The following SFMBT1 variants were observed in gnomAD, a reference collection of about 807,000 sequenced individuals.
The protein encoded by SFMBT1 is Scm like with four mbt domains 1.
Under a neutral mutation model 108.7 loss-of-function variants are expected in SFMBT1, and 32 were observed. The ratio of observed to expected loss-of-function variants is 0.29; its 90% confidence interval spans 0.22 to 0.40. The LOEUF is 0.40. SFMBT1 is among the 10% of genes least tolerant of loss of function. The pLI, the probability that SFMBT1 is intolerant of heterozygous loss-of-function variation, is 1.00. For synonymous variants in SFMBT1, 348 were observed against 369.5 expected (o/e 0.94, Z 0.67); for missense variants, 816 against 1,059.6 (o/e 0.77, Z 3.19).
rs1698987106 is a variant in SFMBT1 at position 53,012,536 on chromosome 3, G to A, written c.-131+33280C>T. ...TCCTGCCTCAGCCTCCCGAGTAGCT[G>A]GGACTACAGGCGCCCGCCACCACGC... On this transcript the variant is annotated intron_variant, in intron 1 of 20. Transcript: ENST00000394752. Among the ~76,000 whole-genome samples the A allele has an allele frequency of 2.6e-5, 4 of 152,122 alleles. No homozygotes were observed. In the South Asian group the frequency reaches 8.3e-4, roughly 32 times the overall value.
At chr3:53,041,047 T>A (rs1293651600) in intron 1 of SFMBT1, among the ~76,000 whole-genome samples, 1 of 131,204 alleles carries the variant, frequency 7.6e-6, no homozygotes, top group African/African-American at 2.9e-5. Flanking sequence ...GGTATCAAAC[T>A]CCTGGACTCC....
intron 1 of SFMBT1, among the ~76,000 whole-genome samples, chr3:52,986,486 G>A (rs1265035706): frequency 6.6e-6 from 1 of 151,566 alleles, no homozygotes; most frequent in Admixed American, 6.6e-5. Flanking sequence ...TATTTTTTTG[G>A]TCGGGCGCCA....
chr3:52,999,562 C>G (rs1378748563), intron 1 of SFMBT1, among the ~76,000 whole-genome samples: 2 of 150,276 alleles, frequency 1.3e-5, no homozygotes, highest in Non-Finnish European at 3.0e-5. Context: ...GAGGGGAAGC[C>G]ACACCCTGAT....
At chr3:52,930,247 G>A (rs1702815182) in intron 8 of SFMBT1, 82 bp downstream of exon 8, 1 of 841,738 alleles carries the variant, frequency 1.2e-6, no homozygotes, top group Non-Finnish European at 2.0e-6. Context: ...GATCAATAGA[G>A]CTTAAAGATC....
intron 6 of SFMBT1, 96 bp from the exon 7 acceptor site, chr3:52,931,131 C>A: frequency 1.8e-6 from 2 of 1,110,966 alleles, no homozygotes; most frequent in Non-Finnish European, 2.7e-6. Context: ...AAGTCACTTT[C>A]CACTGGAACT....
chr3:52,924,414 G>C (rs1178514376), intron 10 of SFMBT1, among the ~76,000 whole-genome samples: 1 of 152,128 alleles, frequency 6.6e-6, no homozygotes, highest in East Asian at 1.9e-4. Context: ...GGCTGAGGCG[G>C]GAAGATCATC....
chr3:53,040,509 A>G lies in SFMBT1; in HGVS notation c.-131+5307T>C, dbSNP rs542096250. On this transcript the variant is annotated intron_variant, in intron 1 of 20. Coordinates refer to ENST00000394752, the MANE Select transcript of SFMBT1 (RefSeq NM_016329.4). ...CAGACAGAACCCAAGTTTCCCAGATAAACAGATACTGACACTTAACAACCC... is the reference window on the plus strand; with the variant it reads ...CAGACAGAACCCAAGTTTCCCAGATGAACAGATACTGACACTTAACAACCC... Among the ~76,000 whole-genome samples, 4 of 152,270 alleles carry G rather than the reference A, an allele frequency of 2.6e-5. No homozygotes were observed. In the South Asian group the frequency reaches 8.3e-4, roughly 32 times the overall value.
At chr3:52,997,903 T>C (rs1057153731) in intron 1 of SFMBT1, among the ~76,000 whole-genome samples, 1 of 150,786 alleles carries the variant, frequency 6.6e-6, no homozygotes, top group African/African-American at 2.4e-5. Flanking sequence ...AGAGAGAAGA[T>C]AACACAACGT....
At chr3:52,951,116 T>TAAAAAAAAAA (rs60541061) in intron 3 of SFMBT1, among the ~76,000 whole-genome samples, 2 of 81,564 alleles carry the variant, frequency 2.5e-5, no homozygotes, top group African/African-American at 1.1e-4. Context: ...ACTCTTATCT[T>TAAAAAAAAAA]AAAAAAAAAA....
intron 13 of SFMBT1, 142 bp from the exon 14 acceptor site, chr3:52,916,356 C>CA: frequency 2.9e-6 from 1 of 345,728 alleles, no homozygotes; most frequent in Non-Finnish European, 5.1e-6. Flanking sequence ...CTTGATGATA[C>CA]TTTTTTTTTT....
chr3:52,989,469 T>A (rs1281627846), intron 1 of SFMBT1, among the ~76,000 whole-genome samples: 3 of 129,328 alleles, frequency 2.3e-5, no homozygotes, highest in Non-Finnish European at 5.3e-5. Flanking sequence ...GAAACATGCC[T>A]TCCATAAAAC....
intron 1 of SFMBT1, among the ~76,000 whole-genome samples, chr3:52,976,548 A>G (rs981882176): frequency 6.6e-6 from 1 of 152,238 alleles, no homozygotes; most frequent in Non-Finnish European, 1.5e-5. Flanking sequence ...ACATACGTGA[A>G]TATGGTTATA....
intron 3 of SFMBT1, among the ~76,000 whole-genome samples, chr3:52,948,635 T>C (rs1559522405): frequency 6.7e-6 from 1 of 149,836 alleles, no homozygotes. Flanking sequence ...ACAATTATTA[T>C]TATTATTATT....
intron 1 of SFMBT1, among the ~76,000 whole-genome samples, chr3:53,025,908 G>A (rs1424130712): frequency 1.3e-5 from 2 of 152,144 alleles, no homozygotes; most frequent in African/African-American, 2.4e-5. Flanking sequence ...GCTTTGGTGC[G>A]GGAGCTTTAT....
intron 3 of SFMBT1, among the ~76,000 whole-genome samples, chr3:52,948,969 C>T (rs1218522972): frequency 2.0e-5 from 3 of 151,436 alleles, no homozygotes; most frequent in East Asian, 1.9e-4. Context: ...AGCATCCTTG[C>T]AATTTTTTTT....
chr3:52,991,494 G>A lies in SFMBT1; in HGVS notation c.-130-22236C>T, dbSNP rs6779505. Reference sequence around the variant, plus strand: ...CGAGTAGCTGGGGCTACAGGGAGGCGCCACCATGCCTGGCTAATTTTTGTA... The same window carrying A: ...CGAGTAGCTGGGGCTACAGGGAGGCACCACCATGCCTGGCTAATTTTTGTA... On this transcript the variant is annotated intron_variant, in intron 1 of 20. Coordinates refer to ENST00000394752, the MANE Select transcript of SFMBT1 (RefSeq NM_016329.4). Among the ~76,000 whole-genome samples, 1,142 of 151,776 alleles carry A rather than the reference G, an allele frequency of 7.5e-3. 12 individuals carry two copies. The highest frequency in any genetic ancestry group is 0.026 in the African/African-American group (1,067 of 41,280).
chr3:52,996,046 G>A (rs1698316047), intron 1 of SFMBT1, among the ~76,000 whole-genome samples: 1 of 144,562 alleles, frequency 6.9e-6, no homozygotes, highest in Non-Finnish European at 1.6e-5. Context: ...ACTCTAGCCT[G>A]GGCAACAGGG....
intron 9 of SFMBT1, among the ~76,000 whole-genome samples, chr3:52,926,446 A>C (rs780090808): frequency 6.6e-6 from 1 of 152,186 alleles, no homozygotes; most frequent in Non-Finnish European, 1.5e-5. Context: ...ACTGGATTTG[A>C]TTTGTATATA....
rs149545511 is a variant in SFMBT1, at chr3:52,979,951, A to T, written c.-130-10693T>A. Reference sequence around the variant, plus strand: ...TGGGTCCACTTACAGATTTTTAAAAATAACTATCTTGGAAAAATTTTTGGA... The same window carrying T: ...TGGGTCCACTTACAGATTTTTAAAATTAACTATCTTGGAAAAATTTTTGGA... On this transcript the variant is annotated intron_variant, in intron 1 of 20. Transcript: ENST00000394752. Among the ~76,000 whole-genome samples, 459 of 152,346 alleles carry T rather than the reference A, an allele frequency of 3.0e-3. 3 individuals are homozygous for T. The highest frequency in any genetic ancestry group is 0.01 in the African/African-American group (418 of 41,584).
Sources: allele counts gnomAD v4.1 joint callset (sites outside exome capture counted in the v4.1 genomes callset), GRCh38; gene constraint gnomAD v4.1.1; transcripts MANE v1.5; gene names NCBI Gene and HGNC (gene_info 2026-07-23, HGNC 2026-07-21).